HEMK1: variants seen among roughly 807,000 people sequenced by gnomAD.
HEMK1 encodes MTRF1L release factor glutamine methyltransferase.
Under a neutral mutation model 47.9 loss-of-function variants are expected in HEMK1, and 36 were observed. The observed-to-expected ratio is 0.75, with a 90% confidence interval of 0.58 to 0.99. HEMK1 has a LOEUF of 0.99. HEMK1 is among the 50% of genes least tolerant of loss of function. The pLI is 0.00. For missense variants in HEMK1, 383 were observed against 434.5 expected (o/e 0.88, Z 1.05); for synonymous variants, 153 against 165.4 (o/e 0.93, Z 0.57).
intron 9 of HEMK1, 84 bp from the exon 10 acceptor site, chr3:50,580,032 A>G: frequency 6.6e-7 from 1 of 1,518,930 alleles, no homozygotes; most frequent in Non-Finnish European, 9.1e-7. Context: ...TCAGCACAGG[A>G]CCCTCACCTC....
intron 2 of HEMK1, 79 bp from the exon 3 acceptor site, chr3:50,571,631 A>G (rs1700972727): frequency 1.5e-6 from 2 of 1,294,782 alleles, no homozygotes; most frequent in Non-Finnish European, 2.2e-6. Flanking sequence ...AGTGCTGGGC[A>G]GGCATTATCC....
In HEMK1 at chr3:50,585,833, T is replaced by A. The variant is rs999488406; in HGVS notation, c.*5416T>A. The A allele has an allele frequency of 1.3e-5, 2 of 152,248 alleles. No homozygotes were observed. The highest frequency in any genetic ancestry group is 4.8e-5 in the African/African-American group (2 of 41,456). The allele number at this position is 152,248 out of a possible 1,614,324, so 9.4% of individuals were successfully genotyped here. A position where few individuals can be genotyped will look rare whatever the true frequency, so the allele number is the denominator to read the frequency against. ...AGAGAGGGATGGGGCTTACTTGAAGTAACACAGCACTTGACTCCTGACTCC... is the reference window on the plus strand; with the variant it reads ...AGAGAGGGATGGGGCTTACTTGAAGAAACACAGCACTTGACTCCTGACTCC... On this transcript the variant is annotated 3_prime_UTR_variant, in exon 11 of 11. Transcript: ENST00000232854.
At chr3:50,578,746 G>A in intron 7 of HEMK1, 75 bp from the exon 8 acceptor site, 1 of 954,052 alleles carries the variant, frequency 1.0e-6, no homozygotes, top group South Asian at 1.5e-5. Context: ...AGAGGGACAT[G>A]GTGGCAGGTG....
intron 1 of HEMK1, 158 bp downstream of exon 1, chr3:50,569,732 T>C (rs1700688770): frequency 6.6e-6 from 1 of 152,206 alleles, no homozygotes; most frequent in African/African-American, 2.4e-5. Context: ...TGTGAGGGAG[T>C]TTACACTTCT....
chr3:50,579,072 A>G, intron 8 of HEMK1, 146 bp downstream of exon 8: 1 of 613,528 alleles, frequency 1.6e-6, no homozygotes. Flanking sequence ...GAGAGCCCAC[A>G]GTCCTACCTA....
rs140440099 is a variant in HEMK1 at position 50,595,164 on chromosome 3, G to A, written c.*14747G>A. 0.014 allele frequency: 2,099 copies of A among 152,260 alleles called. 22 individuals are homozygous for A. The highest frequency in any genetic ancestry group is 0.023 in the Non-Finnish European group (1,549 of 68,050). 9.4% of individuals were successfully genotyped at this position (152,260 alleles called of 1,614,324 possible). A position where few individuals can be genotyped will look rare whatever the true frequency, so the allele number is the denominator to read the frequency against. On this transcript the variant is annotated 3_prime_UTR_variant, in exon 11 of 11. Transcript: ENST00000232854. ...CCCACCTCGGCCTCCCAAAGTGCTGGGATTACAGGAGTGAGCCACCGCGCC... is the reference window on the plus strand; with the variant it reads ...CCCACCTCGGCCTCCCAAAGTGCTGAGATTACAGGAGTGAGCCACCGCGCC...
At position 50,586,127 on chromosome 3, in the gene HEMK1, C is replaced by T. The variant is rs577579278; in HGVS notation, c.*5710C>T. On this transcript the variant is annotated 3_prime_UTR_variant, in exon 11 of 11. Transcript: ENST00000232854. Reference sequence around the variant, plus strand: ...CCCCGCTTGCGGAATGAGTGGGTGCCTTCCCCTCTGAGGTAATTGGCTGTA... The same window carrying T: ...CCCCGCTTGCGGAATGAGTGGGTGCTTTCCCCTCTGAGGTAATTGGCTGTA... 6.6e-6 allele frequency: 1 copy of T among 152,376 alleles called. No individual in the cohort carries two copies. The highest frequency in any genetic ancestry group is 1.5e-5 in the Non-Finnish European group (1 of 68,060). The allele number at this position is 152,376 out of a possible 1,614,324, so 9.4% of individuals were successfully genotyped here.
In HEMK1 at chr3:50,595,544, G is replaced by A. The variant is rs2031931659; in HGVS notation, c.*15127G>A. Reference sequence around the variant, plus strand: ...TACGGGACAATAAAATCTGCCTTTTGCTCTGGAGGGAGATACTACCTCTAT... The same window carrying A: ...TACGGGACAATAAAATCTGCCTTTTACTCTGGAGGGAGATACTACCTCTAT... On this transcript the variant is annotated 3_prime_UTR_variant, in exon 11 of 11. Transcript: ENST00000232854. The A allele has an allele frequency of 6.6e-6, 1 of 152,180 alleles. No individual in the cohort carries two copies. The highest frequency in any genetic ancestry group is 1.5e-5 in the Non-Finnish European group (1 of 68,034). 9.4% of individuals were successfully genotyped at this position (152,180 alleles called of 1,614,324 possible). A position where few individuals can be genotyped will look rare whatever the true frequency, so the allele number is the denominator to read the frequency against.
chr3:50,576,683 A>G (rs1204382425), intron 4 of HEMK1, among the ~76,000 whole-genome samples: 1 of 152,236 alleles, frequency 6.6e-6, no homozygotes, highest in African/African-American at 2.4e-5. Context: ...TGTTGGGATT[A>G]CAGGCATGAG....
Position 50,571,260 on chromosome 3 carries a change from T to A in HEMK1, c.156T>A (p.Phe52Leu), listed in dbSNP as rs754297800. The A allele has an allele frequency of 6.2e-7, 1 of 1,613,446 alleles. No homozygotes were observed. The change falls in exon 2 of 11, where the codon TTT becomes TTA. Residue 52 changes from phenylalanine (F) to leucine (L), a missense_variant. Physicochemically the swap from Phe to Leu is conservative, Grantham distance 22 (BLOSUM62 0). Transcript: ENST00000232854. ...IELVSHWTGV[F>L]EKRGIPEARE... ...TGGTCAGCCACTGGACTGGGGTCTT[T>A]GAGAAGAGGGGTATCCCTGAGGCCC...
At chr3:50,573,856 C>T (rs1701282324) in intron 4 of HEMK1, among the ~76,000 whole-genome samples, 2 of 152,206 alleles carry the variant, frequency 1.3e-5, no homozygotes, top group Non-Finnish European at 2.9e-5. Context: ...GTGGTTCAGC[C>T]CCTGGCCTGG....
At chr3:50,579,560 GGAGACACTCATGCC>G (rs2030431259) in intron 8 of HEMK1, among the ~76,000 whole-genome samples, 1 of 152,164 alleles carries the variant, frequency 6.6e-6, no homozygotes, top group Non-Finnish European at 1.5e-5. Flanking sequence ...CAGCCTGTGG[GGAGACACTCATGCC>G]CTGACATGAG....
At position 50,590,793 on chromosome 3, in the gene HEMK1, C is replaced by A. The variant is rs912169448; in HGVS notation, c.*10376C>A. On this transcript the variant is annotated 3_prime_UTR_variant, in exon 11 of 11. Coordinates refer to ENST00000232854, the MANE Select transcript of HEMK1 (RefSeq NM_016173.5). Reference sequence around the variant, plus strand: ...CCACCAGGCTCCAGTGTGGTTGCCCCAAGTACTCCATGAGTAGACATGGGC... The same window carrying A: ...CCACCAGGCTCCAGTGTGGTTGCCCAAAGTACTCCATGAGTAGACATGGGC... The A allele has an allele frequency of 6.6e-6, 1 of 152,152 alleles. No homozygotes were observed. The highest frequency in any genetic ancestry group is 2.4e-5 in the African/African-American group (1 of 41,400). The allele number at this position is 152,152 out of a possible 1,614,324, so 9.4% of individuals were successfully genotyped here.
Position 50,580,736 on chromosome 3 carries a change from G to A in HEMK1, c.*319G>A. On this transcript the variant is annotated 3_prime_UTR_variant, in exon 11 of 11. Transcript: ENST00000232854. ...CCCCTGACCCCCTTACTCCCAGGTA[G>A]CACTGGGGCAAGGGTTTCCTTCTGC... is the stretch of plus-strand genomic sequence containing the variant. The A allele has an allele frequency of 2.4e-6, 1 of 418,834 alleles. No individual in the cohort carries two copies. The highest frequency in any genetic ancestry group is 4.1e-5 in the Admixed American group (1 of 24,284). The allele number at this position is 418,834 out of a possible 1,614,324, so 25.9% of individuals were successfully genotyped here.
intron 4 of HEMK1, among the ~76,000 whole-genome samples, chr3:50,572,971 T>TA (rs1701180037): frequency 6.6e-6 from 1 of 152,324 alleles, no homozygotes; most frequent in East Asian, 1.9e-4. Flanking sequence ...GGAGTGTTTC[T>TA]AGAAAGACCT....
rs543172990 is a variant in HEMK1, at chr3:50,593,797, G to T, written c.*13380G>T. On this transcript the variant is annotated 3_prime_UTR_variant, in exon 11 of 11. Transcript: ENST00000232854. The stretch of plus-strand genomic sequence containing the variant: ...GCCACTCTGTTGCCCAGACTGGAGT[G>T]CAGTGGCGCGATCTCCCAGGTTCAA... The T allele has an allele frequency of 1.3e-5, 2 of 150,410 alleles. No homozygotes were observed. Among genetic ancestry groups the T allele is most frequent in the Non-Finnish European group, 3.0e-5 (2 of 67,770 alleles). The allele number at this position is 150,410 out of a possible 1,614,324, so 9.3% of individuals were successfully genotyped here.
At position 50,581,304 on chromosome 3, in the gene HEMK1, G is replaced by A. The variant is rs1441247989; in HGVS notation, c.*887G>A. Reference sequence around the variant, plus strand: ...CAGATCCAGCCTTCCTGTCAACAGCGACAGGAAATCTCTAGGTTGGTGAGT... The same window carrying A: ...CAGATCCAGCCTTCCTGTCAACAGCAACAGGAAATCTCTAGGTTGGTGAGT... On this transcript the variant is annotated 3_prime_UTR_variant, in exon 11 of 11. Coordinates refer to ENST00000232854, the MANE Select transcript of HEMK1 (RefSeq NM_016173.5). The A allele has an allele frequency of 6.6e-6, 1 of 152,236 alleles. No individual in the cohort carries two copies. Among genetic ancestry groups the A allele is most frequent in the Non-Finnish European group, 1.5e-5 (1 of 68,104 alleles). 9.4% of individuals were successfully genotyped at this position (152,236 alleles called of 1,614,324 possible).
rs1400786079 is a variant in HEMK1 at position 50,595,863 on chromosome 3, A to G, written c.*15446A>G. ...TCCAGACCTCTCCTGCAAACAACGCAGGGGAGCCACGCAAAGGAAGAGGTT... is the reference window on the plus strand; with the variant it reads ...TCCAGACCTCTCCTGCAAACAACGCGGGGGAGCCACGCAAAGGAAGAGGTT... On this transcript the variant is annotated 3_prime_UTR_variant, in exon 11 of 11. Transcript: ENST00000232854. The G allele has an allele frequency of 6.6e-6, 1 of 152,224 alleles. No homozygotes were observed. Among genetic ancestry groups the G allele is most frequent in the Admixed American group, 6.5e-5 (1 of 15,290 alleles). The allele number at this position is 152,224 out of a possible 1,614,324, so 9.4% of individuals were successfully genotyped here.
rs1354831392 is a variant in HEMK1, at chr3:50,577,877, T to A, written c.664+2T>A. On this transcript the variant is annotated splice_donor_variant, in intron 7 of 10. Coordinates refer to ENST00000232854, the MANE Select transcript of HEMK1 (RefSeq NM_016173.5). LOFTEE classifies it high-confidence loss of function. The stretch of plus-strand genomic sequence containing the variant: ...TCATCCACCTCGACATGACCTCAGG[T>A]ACCCTCCCCTGCATGTTCCTTGAGA... 1 of 1,613,818 alleles carries A rather than the reference T, an allele frequency of 6.2e-7. No individual in the cohort carries two copies. Among genetic ancestry groups the A allele is most frequent in the Admixed American group, 1.7e-5 (1 of 60,020 alleles).
Sources: gnomAD v4.1 joint callset for allele counts (sites outside exome capture counted in the v4.1 genomes callset) on GRCh38, gnomAD v4.1.1 for gene constraint, MANE v1.5 for transcripts, NCBI Gene and HGNC (gene_info 2026-07-23, HGNC 2026-07-21) for gene names.